The following TMEM217B variants were observed in gnomAD, a reference collection of about 807,000 sequenced individuals.
The protein encoded by TMEM217B is putative transmembrane protein 217B.
the TMEM217B span, among the ~76,000 whole-genome samples, chr6:37,225,110 G>A: frequency 8.6e-5 from 13 of 151,936 alleles, no homozygotes; most frequent in Non-Finnish European, 1.8e-4. Flanking sequence ...TGAGGTATGA[G>A]AATCACTTGA....
chr6:37,249,192 T>C, the TMEM217B span, among the ~76,000 whole-genome samples: 1 of 152,258 alleles, frequency 6.6e-6, no homozygotes, highest in African/African-American at 2.4e-5. Context: ...GATTTTAATG[T>C]AGACAAATAT....
chr6:37,226,076 G>A, the TMEM217B span, among the ~76,000 whole-genome samples: 12 of 152,186 alleles, frequency 7.9e-5, no homozygotes, highest in Admixed American at 7.9e-4. Context: ...GAAGTGTAAT[G>A]AGAACTAGTG....
chr6:37,235,063 TG>T, the TMEM217B span, among the ~76,000 whole-genome samples: 2 of 152,196 alleles, frequency 1.3e-5, no homozygotes, highest in Non-Finnish European at 2.9e-5. Context: ...AACTGCAAAA[TG>T]GTTAAAGCTG....
the TMEM217B span, among the ~76,000 whole-genome samples, chr6:37,223,730 A>AACTCCTG: frequency 6.6e-6 from 1 of 152,090 alleles, no homozygotes; most frequent in African/African-American, 2.4e-5. Context: ...GCTGCTCTCA[A>AACTCCTG]ACTCCTGACC....
At chr6:37,255,335 G>T in the TMEM217B span, among the ~76,000 whole-genome samples, 1 of 152,068 alleles carries the variant, frequency 6.6e-6, no homozygotes. Context: ...TACAATGGGG[G>T]CCATTGCAAA....
chr6:37,254,955 T>C, the TMEM217B span, among the ~76,000 whole-genome samples: 11 of 152,178 alleles, frequency 7.2e-5, no homozygotes, highest in Admixed American at 3.3e-4. Context: ...CCTAGATCCC[T>C]TGTATGAGCA....
chr6:37,214,530 T>C, the TMEM217B span, among the ~76,000 whole-genome samples: 1 of 152,070 alleles, frequency 6.6e-6, no homozygotes, highest in Non-Finnish European at 1.5e-5. Flanking sequence ...CCTGGCCATC[T>C]TCAGAACTTT....
At chr6:37,214,610 C>T in the TMEM217B span, among the ~76,000 whole-genome samples, 9 of 152,306 alleles carry the variant, frequency 5.9e-5, no homozygotes, top group Non-Finnish European at 1.2e-4. Context: ...TTCCCCCGCT[C>T]CCTACTAACC....
the TMEM217B span, among the ~76,000 whole-genome samples, chr6:37,227,354 C>T: frequency 0.88 from 133,758 of 152,296 alleles, 58,991 homozygotes; most frequent in African/African-American, 0.96. Flanking sequence ...TCTCTCTTTC[C>T]TAGTTCTTCT....
the TMEM217B span, among the ~76,000 whole-genome samples, chr6:37,220,990 A>G: frequency 6.6e-6 from 1 of 152,130 alleles, no homozygotes; most frequent in Non-Finnish European, 1.5e-5. Flanking sequence ...AACCATTTTT[A>G]AGTAGACAGT....
At chr6:37,250,898 T>C in the TMEM217B span, among the ~76,000 whole-genome samples, 1 of 152,224 alleles carries the variant, frequency 6.6e-6, no homozygotes, top group Non-Finnish European at 1.5e-5. Flanking sequence ...CCTCTCAAAA[T>C]TGGATTTAGA....
At chr6:37,239,504 ATAAG>A in the TMEM217B span, among the ~76,000 whole-genome samples, 28 of 111,558 alleles carry the variant, frequency 2.5e-4, no homozygotes, top group African/African-American at 7.2e-4. Flanking sequence ...AAATAAATAA[ATAAG>A]TAAATAAAAT....
At chr6:37,221,488 T>C in the TMEM217B span, among the ~76,000 whole-genome samples, 7 of 152,162 alleles carry the variant, frequency 4.6e-5, no homozygotes, top group Admixed American at 3.3e-4. Context: ...CACCTGGCCA[T>C]GTAAGTAGAA....
the TMEM217B span, among the ~76,000 whole-genome samples, chr6:37,231,958 A>G: frequency 6.6e-6 from 1 of 152,016 alleles, no homozygotes; most frequent in Non-Finnish European, 1.5e-5. Flanking sequence ...TACTAAAATC[A>G]GAATCTCTGG....
chr6:37,224,151 C>G, the TMEM217B span, among the ~76,000 whole-genome samples: 1 of 149,880 alleles, frequency 6.7e-6, no homozygotes, highest in African/African-American at 2.4e-5. Flanking sequence ...GTTGGCCAGG[C>G]TGGTCTTGAA....
At chr6:37,242,783 G>A in the TMEM217B span, among the ~76,000 whole-genome samples, 13 of 152,106 alleles carry the variant, frequency 8.5e-5, no homozygotes, top group Non-Finnish European at 2.9e-5. Flanking sequence ...AGGGCTCTAG[G>A]TTGGCATCTG....
chr6:37,223,293 A>T, the TMEM217B span, among the ~76,000 whole-genome samples: 1 of 151,944 alleles, frequency 6.6e-6, no homozygotes, highest in Non-Finnish European at 1.5e-5. Flanking sequence ...GATAAATGAA[A>T]GAAAATCTAC....
At chr6:37,257,765 G>A in the TMEM217B span, 1 of 776,980 alleles carries the variant, frequency 1.3e-6, no homozygotes, top group Non-Finnish European at 2.1e-6. Flanking sequence ...TGGGTGGAGG[G>A]GTGCCCACAT....
the TMEM217B span, among the ~76,000 whole-genome samples, chr6:37,217,048 C>A: frequency 1.9e-4 from 29 of 152,340 alleles, no homozygotes; most frequent in African/African-American, 6.3e-4. Flanking sequence ...ACTCCCAGCA[C>A]TTTGGGAGGC....
Sources: allele counts gnomAD v4.1 joint callset (sites outside exome capture counted in the v4.1 genomes callset), GRCh38; gene constraint gnomAD v4.1.1; transcripts MANE v1.5; gene names NCBI Gene and HGNC (gene_info 2026-07-23, HGNC 2026-07-21).